The following LYRM4 variants were observed in gnomAD, a reference collection of about 807,000 sequenced individuals.
The protein encoded by LYRM4 is LYR motif-containing protein 4.
A neutral mutation model predicts 11.7 loss-of-function variants in LYRM4; 9 were observed. The ratio of observed to expected loss-of-function variants is 0.77; its 90% CI spans 0.46 to 1.34. The LOEUF is 1.34. Ranked by LOEUF, LYRM4 falls within the 40% of genes most tolerant of loss-of-function variation. The pLI is 0.00. For missense variants in LYRM4, 133 were observed against 112.5 expected, an observed-to-expected ratio of 1.18 and a Z score of -0.82; for synonymous variants, 42 against 40.4, an observed-to-expected ratio of 1.04 and a Z score of -0.15.
At chr6:5,100,453 C>A (rs1172006928), downstream of LYRM4, among the ~76,000 whole-genome samples, 1 of 152,192 alleles carries the variant, frequency 6.6e-6, no homozygotes, top group African/African-American at 2.4e-5. Flanking sequence ...ACCTCCCAGG[C>A]CTGTGTCACT....
the LYRM4 span, among the ~76,000 whole-genome samples, chr6:5,040,344 G>GATAC: frequency 3.5e-5 from 5 of 144,576 alleles, no homozygotes; most frequent in Admixed American, 7.1e-5. Flanking sequence ...TAGATAGATA[G>GATAC]ATAGATAGAT....
At chr6:5,054,780 CAG>C in the LYRM4 span, among the ~76,000 whole-genome samples, 3 of 152,162 alleles carry the variant, frequency 2.0e-5, no homozygotes, top group Non-Finnish European at 2.9e-5. Context: ...ACTGAAAAAA[CAG>C]ACTCTTTGTA....
At chr6:5,075,715 C>T in the LYRM4 span, among the ~76,000 whole-genome samples, 1 of 152,226 alleles carries the variant, frequency 6.6e-6, no homozygotes, top group Admixed American at 6.5e-5. Context: ...TTGAGTGCTA[C>T]ATTGCTTTTT....
intron 2 of LYRM4, among the ~76,000 whole-genome samples, chr6:5,199,936 C>G (rs1373921873): frequency 1.3e-5 from 2 of 152,218 alleles, no homozygotes; most frequent in Non-Finnish European, 2.9e-5. Context: ...GGCTGCAACA[C>G]AGTTTCAAAA....
At chr6:5,212,523 A>T (rs1020162685) in intron 2 of LYRM4, among the ~76,000 whole-genome samples, 1 of 152,216 alleles carries the variant, frequency 6.6e-6, no homozygotes, top group African/African-American at 2.4e-5. Flanking sequence ...TGGACATAAA[A>T]GGCCTCTCAA....
chr6:5,221,618 G>A (rs964748672), intron 1 of LYRM4, among the ~76,000 whole-genome samples: 5 of 152,312 alleles, frequency 3.3e-5, no homozygotes, highest in East Asian at 3.9e-4. Flanking sequence ...GCTTGAACCC[G>A]GAGGCGGAAG....
chr6:5,159,375 C>CA (rs1459262545), intron 2 of LYRM4, among the ~76,000 whole-genome samples: 1 of 152,136 alleles, frequency 6.6e-6, no homozygotes, highest in Non-Finnish European at 1.5e-5. Flanking sequence ...AGGGGTGTTT[C>CA]AAAAACCAGT....
intron 2 of LYRM4, among the ~76,000 whole-genome samples, chr6:5,175,346 A>G (rs1415500235): frequency 6.6e-6 from 1 of 152,212 alleles, no homozygotes; most frequent in African/African-American, 2.4e-5. Context: ...GCTGTCCTTT[A>G]AAACGTAGAG....
chr6:5,259,317 G>A lies in LYRM4; in HGVS notation c.86+1331C>T, dbSNP rs115540884. The stretch of plus-strand genomic sequence containing the variant: ...CAACAGACTTGGTTAAGTACTTGGT[G>A]CTAGGTGTTTGGTTAATTCTTGCTA... On this transcript the variant is annotated intron_variant, in intron 1 of 2. Transcript: ENST00000330636. Among the ~76,000 whole-genome samples the A allele has an allele frequency of 6.0e-3, 915 of 152,150 alleles. 10 individuals are homozygous for A. Among genetic ancestry groups the A allele is most frequent in the South Asian group, 0.044 (213 of 4,822 alleles).
At chr6:5,051,536 GA>G in the LYRM4 span, among the ~76,000 whole-genome samples, 4 of 152,000 alleles carry the variant, frequency 2.6e-5, no homozygotes, top group African/African-American at 9.7e-5. Context: ...GCTGAGGCAG[GA>G]AAAAACAAAC....
chr6:5,063,406 G>A, the LYRM4 span, among the ~76,000 whole-genome samples: 2 of 150,746 alleles, frequency 1.3e-5, no homozygotes, highest in African/African-American at 4.9e-5. Context: ...AGCCCCACAA[G>A]CCTTTCCCGA....
chr6:5,154,710 T>G (rs1758294960), intron 2 of LYRM4, among the ~76,000 whole-genome samples: 1 of 152,058 alleles, frequency 6.6e-6, no homozygotes, highest in Non-Finnish European at 1.5e-5. Flanking sequence ...TCCCAGCTAC[T>G]CGGGAGGCTG....
intron 2 of LYRM4, among the ~76,000 whole-genome samples, chr6:5,152,713 G>A (rs1758160608): frequency 6.6e-6 from 1 of 152,224 alleles, no homozygotes; most frequent in African/African-American, 2.4e-5. Context: ...ATGTGCTCAT[G>A]GAACTGTTTC....
intron 2 of LYRM4, among the ~76,000 whole-genome samples, chr6:5,196,572 C>T (rs917161346): frequency 3.9e-5 from 6 of 152,314 alleles, no homozygotes; most frequent in African/African-American, 7.2e-5. Flanking sequence ...GCTCACTGTC[C>T]GACCATCCAG....
chr6:5,100,219 C>T (rs920704839), downstream of LYRM4, among the ~76,000 whole-genome samples: 8 of 152,192 alleles, frequency 5.3e-5, no homozygotes, highest in African/African-American at 7.2e-5. Context: ...TACAAGCCAG[C>T]GTCAGCAAGG....
intron 2 of LYRM4, among the ~76,000 whole-genome samples, chr6:5,195,588 A>G (rs1371130251): frequency 6.6e-6 from 1 of 152,130 alleles, no homozygotes; most frequent in African/African-American, 2.4e-5. Flanking sequence ...GAGCTGAGAT[A>G]GCGCCACTGC....
rs909882868 is a variant in LYRM4, at chr6:5,185,826, A to T, written c.207+30792T>A. Among the ~76,000 whole-genome samples the T allele has an allele frequency of 2.0e-5, 3 of 152,076 alleles. No individual in the cohort carries two copies. The East Asian group carries it at 5.8e-4, about 29-fold the overall frequency. ...CATGGCGGTGGATGTGATCACAGGG[A>T]AAGAGAGGGACCAATAATGAAAGCT... On this transcript the variant is annotated intron_variant, in intron 2 of 2. Coordinates refer to ENST00000330636, the MANE Select transcript of LYRM4 (RefSeq NM_020408.6).
At chr6:5,041,279 G>A in the LYRM4 span, among the ~76,000 whole-genome samples, 1 of 152,146 alleles carries the variant, frequency 6.6e-6, no homozygotes, top group Non-Finnish European at 1.5e-5. Context: ...CTATGTTTGT[G>A]ATTGCTAAAA....
the LYRM4 span, among the ~76,000 whole-genome samples, chr6:5,042,327 C>G: frequency 6.6e-6 from 1 of 151,944 alleles, no homozygotes; most frequent in Non-Finnish European, 1.5e-5. Flanking sequence ...AAGTTCCTGG[C>G]AAAAAGAAAA....
Sources: gnomAD v4.1 joint callset for allele counts (sites outside exome capture counted in the v4.1 genomes callset) on GRCh38, gnomAD v4.1.1 for gene constraint, MANE v1.5 for transcripts, NCBI Gene and HGNC (gene_info 2026-07-23, HGNC 2026-07-21) for gene names.